AGMO: variants seen among roughly 807,000 people sequenced by gnomAD.
AGMO encodes glyceryl-ether monooxygenase.
Under a neutral mutation model 60.2 loss-of-function variants are expected in AGMO, and 75 were observed. That is an observed-to-expected ratio of 1.25 (90% CI 1.03 to 1.51). The LOEUF (loss-of-function observed/expected upper bound fraction) is 1.51, where lower values mean the gene tolerates loss of function less well. AGMO is among the 40% of genes most tolerant of loss of function. The pLI is 0.00. For synonymous variants in AGMO, 261 were observed against 177.1 expected, an observed-to-expected ratio of 1.47 and a Z score of -3.76; for missense variants, 763 against 525.5, an observed-to-expected ratio of 1.45 and a Z score of -4.42.
chr7:15,472,053 C>T lies in AGMO; in HGVS notation c.410-40945G>A, dbSNP rs185383184. Among the ~76,000 whole-genome samples, 348 of 151,842 alleles carry T rather than the reference C, an allele frequency of 2.3e-3. 5 individuals are homozygous for T. The highest frequency in any genetic ancestry group is 0.014 in the Middle Eastern group (4 of 292). ...ATACAGCCATTCAAAATGCTGAAGC[C>T]TATAATTTTTGATGAAAACGTTTTG... On this transcript the variant is annotated intron_variant, in intron 3 of 12. Coordinates refer to ENST00000342526, the MANE Select transcript of AGMO (RefSeq NM_001004320.2).
intron 5 of AGMO, among the ~76,000 whole-genome samples, chr7:15,403,385 T>A (rs888015183): frequency 3.3e-5 from 5 of 152,068 alleles, no homozygotes; most frequent in Admixed American, 3.3e-4. Flanking sequence ...GGGTTTCATT[T>A]ATTCTCTGGT....
rs190190052 is a variant in AGMO, at chr7:15,537,799, C to G, written c.409+6973G>C. On this transcript the variant is annotated intron_variant, in intron 3 of 12. Coordinates refer to ENST00000342526, the MANE Select transcript of AGMO (RefSeq NM_001004320.2). ...CTCAGAACACCAAAGCAAAGTTAGT[C>G]TGTATCTTTCAAAATGACTACAGTT... Among the ~76,000 whole-genome samples, 594 of 152,098 alleles carry G rather than the reference C, an allele frequency of 3.9e-3. 4 individuals are homozygous for G. Among genetic ancestry groups the G allele is most frequent in the African/African-American group, 0.013 (554 of 41,482 alleles).
intron 10 of AGMO, among the ~76,000 whole-genome samples, chr7:15,368,129 TAG>T (rs1438852134): frequency 6.6e-6 from 1 of 151,928 alleles, no homozygotes; most frequent in Non-Finnish European, 1.5e-5. Context: ...ACAAAAGGAT[TAG>T]AATGTTTAGG....
chr7:15,211,570 A>G (rs1483320096), intron 12 of AGMO, among the ~76,000 whole-genome samples: 1 of 150,836 alleles, frequency 6.6e-6, no homozygotes, highest in African/African-American at 2.4e-5. Flanking sequence ...TTTTTTTTTG[A>G]GTTTTTATAC....
the AGMO span, among the ~76,000 whole-genome samples, chr7:15,168,124 C>G: frequency 2.0e-5 from 3 of 152,258 alleles, no homozygotes; most frequent in Admixed American, 1.3e-4. Context: ...CCAGTTAATA[C>G]CAGCTGCACT....
At chr7:15,481,254 C>A (rs1204361081) in intron 3 of AGMO, among the ~76,000 whole-genome samples, 1 of 151,934 alleles carries the variant, frequency 6.6e-6, no homozygotes. Flanking sequence ...ATCTGCATGT[C>A]CTAATAATGG....
At chr7:15,398,207 AGCC>A (rs2128488743) in intron 5 of AGMO, among the ~76,000 whole-genome samples, 1 of 152,298 alleles carries the variant, frequency 6.6e-6, no homozygotes, top group Non-Finnish European at 1.5e-5. Context: ...GCGTGTGTGC[AGCC>A]AGATGTAAAG....
At chr7:15,523,102 T>C (rs1784044905) in intron 3 of AGMO, among the ~76,000 whole-genome samples, 1 of 152,192 alleles carries the variant, frequency 6.6e-6, no homozygotes. Flanking sequence ...CAGTTCATCA[T>C]CACTGGTCAT....
chr7:15,362,095 G>A (rs1782789612), intron 12 of AGMO, among the ~76,000 whole-genome samples: 3 of 152,106 alleles, frequency 2.0e-5, no homozygotes, highest in Admixed American at 1.3e-4. Flanking sequence ...TGGAGTCACT[G>A]AGGCCATTTA....
intron 12 of AGMO, among the ~76,000 whole-genome samples, chr7:15,295,408 T>C (rs1327005827): frequency 6.6e-6 from 1 of 152,026 alleles, no homozygotes; most frequent in Non-Finnish European, 1.5e-5. Flanking sequence ...CAGGACAGAT[T>C]GACATTAAAC....
At chr7:15,232,598 T>C (rs564356784) in intron 12 of AGMO, among the ~76,000 whole-genome samples, 89 of 152,274 alleles carry the variant, frequency 5.8e-4, no homozygotes, top group African/African-American at 2.1e-3. Flanking sequence ...GTTCTGCCTT[T>C]ATAAATTGGA....
intron 3 of AGMO, among the ~76,000 whole-genome samples, chr7:15,461,985 C>A (rs1782155602): frequency 2.6e-5 from 4 of 151,952 alleles, no homozygotes; most frequent in Admixed American, 6.6e-5. Context: ...CATAATATTT[C>A]TTCAAATGAC....
At chr7:15,518,470 A>G (rs938133851) in intron 3 of AGMO, among the ~76,000 whole-genome samples, 2 of 152,170 alleles carry the variant, frequency 1.3e-5, no homozygotes, top group African/African-American at 4.8e-5. Context: ...CTTCCAGAGG[A>G]AGGAGCAGGC....
intron 12 of AGMO, among the ~76,000 whole-genome samples, chr7:15,215,562 G>A (rs904255074): frequency 6.6e-6 from 1 of 151,978 alleles, no homozygotes; most frequent in Non-Finnish European, 1.5e-5. Context: ...AAAATGAAGG[G>A]GGTCTGCATA....
rs115969841 is a variant in AGMO at position 15,427,248 on chromosome 7, C to T, written c.513+3757G>A. On this transcript the variant is annotated intron_variant, in intron 4 of 12. Transcript: ENST00000342526. ...TGTATAGTGGCTCTGAGTATAAGCACGTACACATGCACGTGTAGCTGTGTT... is the reference window on the plus strand; with the variant it reads ...TGTATAGTGGCTCTGAGTATAAGCATGTACACATGCACGTGTAGCTGTGTT... Among the ~76,000 whole-genome samples, 668 of 152,212 alleles carry T rather than the reference C, an allele frequency of 4.4e-3. 5 individuals are homozygous for T. Among genetic ancestry groups the T allele is most frequent in the African/African-American group, 0.015 (638 of 41,528 alleles).
intron 12 of AGMO, among the ~76,000 whole-genome samples, chr7:15,348,266 G>C (rs1227737619): frequency 2.0e-5 from 3 of 151,924 alleles, no homozygotes; most frequent in African/African-American, 7.2e-5. Context: ...CCTCTGTCTT[G>C]GGAGAAACCC....
chr7:15,245,029 T>TA (rs1782700818), intron 12 of AGMO, among the ~76,000 whole-genome samples: 1 of 152,164 alleles, frequency 6.6e-6, no homozygotes, highest in Admixed American at 6.5e-5. Context: ...ATCTCATTCT[T>TA]AGACTACAAA....
intron 10 of AGMO, among the ~76,000 whole-genome samples, chr7:15,369,530 T>TA (rs1379340093): frequency 3.3e-5 from 5 of 152,242 alleles, no homozygotes; most frequent in African/African-American, 1.2e-4. Context: ...TGACTTCCCC[T>TA]AGTGATCATT....
chr7:15,204,513 T>C (rs1004238459), intron 12 of AGMO, among the ~76,000 whole-genome samples: 5 of 152,204 alleles, frequency 3.3e-5, no homozygotes, highest in Admixed American at 1.3e-4. Flanking sequence ...TCCGGATACA[T>C]ACAAACTCAA....
Sources: allele counts gnomAD v4.1 joint callset (sites outside exome capture counted in the v4.1 genomes callset), GRCh38; gene constraint gnomAD v4.1.1; transcripts MANE v1.5; gene names NCBI Gene and HGNC (gene_info 2026-07-23, HGNC 2026-07-21).